The following TBC1D13 variants were observed in gnomAD, a reference collection of about 807,000 sequenced individuals.
TBC1D13 encodes the protein TBC1 domain family member 13, also known as epididymis secretory sperm binding protein.
Under a neutral mutation model 53.6 loss-of-function variants are expected in TBC1D13, and 40 were observed. The observed-to-expected ratio is 0.75, with a 90% CI of 0.58 to 0.97. The LOEUF (loss-of-function observed/expected upper bound fraction) is 0.97. TBC1D13 is among the 50% of genes least tolerant of loss of function. The pLI, the probability that TBC1D13 is intolerant of heterozygous loss-of-function variation, is 0.00. For missense variants in TBC1D13, 377 were observed against 499.4 expected (o/e 0.75, Z 2.34); for synonymous variants, 182 against 197.7 (o/e 0.92, Z 0.67).
intron 2 of TBC1D13, among the ~76,000 whole-genome samples, chr9:128,789,547 G>A (rs1009092545): frequency 6.6e-6 from 1 of 151,802 alleles, no homozygotes; most frequent in Non-Finnish European, 1.5e-5. Flanking sequence ...TTACAGATAA[G>A]TTTCCTTCTT....
chr9:128,807,404 A>G (rs903365575), intron 11 of TBC1D13, among the ~76,000 whole-genome samples: 6 of 152,034 alleles, frequency 3.9e-5, no homozygotes, highest in African/African-American at 1.4e-4. Context: ...GCTTTTCCCT[A>G]ACTTCATGGA....
chr9:128,788,465 C>T, intron 2 of TBC1D13, 58 bp downstream of exon 2: 1 of 1,516,366 alleles, frequency 6.6e-7, no homozygotes, highest in South Asian at 1.1e-5. Flanking sequence ...GGCTAGAATA[C>T]AGGGGGAGGC....
At position 128,809,598 on chromosome 9, in the gene TBC1D13, C is replaced by A. The variant is rs921782118; in HGVS notation, c.*1719C>A. 1 of 152,370 alleles carries A rather than the reference C, an allele frequency of 6.6e-6. No individual in the cohort carries two copies. The highest frequency in any genetic ancestry group is 2.1e-4 in the South Asian group (1 of 4,826). 9.4% of individuals were successfully genotyped at this position (152,370 alleles called of 1,614,324 possible). A position where few individuals can be genotyped will look rare whatever the true frequency, so the allele number is the denominator to read the frequency against. ...GGGAGACTTTGACTATTTATTCAGACTCCTGGCTATGTATTGCACATTGGC... is the reference window on the plus strand; with the variant it reads ...GGGAGACTTTGACTATTTATTCAGAATCCTGGCTATGTATTGCACATTGGC... On this transcript the variant is annotated 3_prime_UTR_variant, in exon 12 of 12. Transcript: ENST00000372648.
In TBC1D13 at chr9:128,787,344, A is replaced by T. The variant is rs1216656625; in HGVS notation, c.-10A>T. On this transcript the variant is annotated 5_prime_UTR_variant, in exon 1 of 12. It adds an upstream start codon to the 5' untranslated region. Transcript: ENST00000372648. ...GGCGGAGGCGGCTGGGGGGTCCGGAAGTCAACACCATGTCAAGTCTGCACA... is the reference window on the plus strand; with the variant it reads ...GGCGGAGGCGGCTGGGGGGTCCGGATGTCAACACCATGTCAAGTCTGCACA... 1.6e-6 allele frequency: 2 copies of T among 1,260,286 alleles called. No individual in the cohort carries two copies. Among genetic ancestry groups the T allele is most frequent in the Non-Finnish European group, 2.0e-6 (2 of 996,250 alleles). The allele number at this position is 1,260,286 out of a possible 1,614,324, so 78.1% of individuals were successfully genotyped here. A position where few individuals can be genotyped will look rare whatever the true frequency, so the allele number is the denominator to read the frequency against.
rs377341637 is a variant in TBC1D13 at position 128,803,924 on chromosome 9, G to A, written c.755-32G>A. The A allele has an allele frequency of 5.7e-5, 92 of 1,609,556 alleles. 1 individual carries two copies. The African/African-American group carries it at 1.1e-3, about 20-fold the overall frequency. On this transcript the variant is annotated intron_variant, in intron 8 of 11. Transcript: ENST00000372648. ...GAGAGGTGGGGTGGGCCTGGAGTGC[G>A]CCACTTCTGCCCCCATCCTGCTCTC...
At chr9:128,798,148 G>A (rs1829668660) in intron 7 of TBC1D13, among the ~76,000 whole-genome samples, 1 of 152,172 alleles carries the variant, frequency 6.6e-6, no homozygotes, top group Admixed American at 6.5e-5. Context: ...AGCTACCCGG[G>A]AGGCTTAGGC....
intron 7 of TBC1D13, 83 bp from the exon 8 acceptor site, chr9:128,803,167 C>T (rs1323307397): frequency 2.3e-6 from 3 of 1,298,786 alleles, no homozygotes; most frequent in East Asian, 4.7e-5. Flanking sequence ...CCCACCTCAG[C>T]CTCCCAAAGT....
intron 10 of TBC1D13, 38 bp from the exon 11 acceptor site, chr9:128,806,216 A>T (rs761843680): frequency 6.2e-7 from 1 of 1,614,014 alleles, no homozygotes; most frequent in Non-Finnish European, 8.5e-7. Flanking sequence ...CACTCAGAGC[A>T]TCCCAGGTCC....
At chr9:128,788,460 G>C (rs1829470566) in intron 2 of TBC1D13, 53 bp downstream of exon 2, 1 of 1,540,598 alleles carries the variant, frequency 6.5e-7, no homozygotes, top group Non-Finnish European at 9.0e-7. Flanking sequence ...CCTGTGGCTA[G>C]AATACAGGGG....
chr9:128,792,775 C>T (rs1215490365), intron 6 of TBC1D13, among the ~76,000 whole-genome samples: 1 of 152,152 alleles, frequency 6.6e-6, no homozygotes, highest in Non-Finnish European at 1.5e-5. Flanking sequence ...CTTGCATGTA[C>T]CTGGCTGTTC....
intron 5 of TBC1D13, among the ~76,000 whole-genome samples, chr9:128,792,110 T>C (rs1829543910): frequency 6.6e-6 from 1 of 152,232 alleles, no homozygotes; most frequent in Non-Finnish European, 1.5e-5. Context: ...CAGATAGGAA[T>C]TGACGACTCA....
rs149434813 is a variant in TBC1D13 at position 128,808,700 on chromosome 9, C to G, written c.*821C>G. On this transcript the variant is annotated 3_prime_UTR_variant, in exon 12 of 12. Coordinates refer to ENST00000372648, the MANE Select transcript of TBC1D13 (RefSeq NM_018201.5). Reference sequence around the variant, plus strand: ...GATGAGGAGACTGGCTCAGCAAGGCCCCTGGAGGTCAAGCTTGGCCTTTGC... The same window carrying G: ...GATGAGGAGACTGGCTCAGCAAGGCGCCTGGAGGTCAAGCTTGGCCTTTGC... 2.2e-4 allele frequency: 33 copies of G among 152,364 alleles called. No individual in the cohort carries two copies. Among genetic ancestry groups the G allele is most frequent in the African/African-American group, 7.9e-4 (33 of 41,524 alleles). The allele number at this position is 152,364 out of a possible 1,614,324, so 9.4% of individuals were successfully genotyped here.
intron 6 of TBC1D13, among the ~76,000 whole-genome samples, chr9:128,794,767 G>C (rs2132537012): frequency 6.6e-6 from 1 of 151,770 alleles, no homozygotes; most frequent in Admixed American, 6.6e-5. Flanking sequence ...GAGACACCAT[G>C]CCTGGCCAGG....
In TBC1D13 at chr9:128,810,149, G is replaced by C. The variant is rs1040596970; in HGVS notation, c.*2270G>C. The C allele has an allele frequency of 3.3e-5, 5 of 152,204 alleles. No homozygotes were observed. Among genetic ancestry groups the C allele is most frequent in the African/African-American group, 1.2e-4 (5 of 41,414 alleles). The allele number at this position is 152,204 out of a possible 1,614,324, so 9.4% of individuals were successfully genotyped here. A position where few individuals can be genotyped will look rare whatever the true frequency, so the allele number is the denominator to read the frequency against. ...CCTTGGTTAGGCTGAGCTCCCAGCA[G>C]GACACCGCCTGCAGAAAGGACCTGC... On this transcript the variant is annotated 3_prime_UTR_variant, in exon 12 of 12. Coordinates refer to ENST00000372648, the MANE Select transcript of TBC1D13 (RefSeq NM_018201.5).
chr9:128,804,185 C>A, intron 9 of TBC1D13, 66 bp downstream of exon 9: 1 of 1,570,306 alleles, frequency 6.4e-7, no homozygotes, highest in Non-Finnish European at 8.7e-7. Flanking sequence ...GCCATCCCAG[C>A]CCAGGGCGAG....
At chr9:128,791,506 GGCC>G in intron 4 of TBC1D13, 65 bp downstream of exon 4, 1 of 1,605,970 alleles carries the variant, frequency 6.2e-7, no homozygotes, top group Non-Finnish European at 8.5e-7. Context: ...GTACCGCTGG[GGCC>G]GCCCTGCCTC....
In TBC1D13 at chr9:128,809,689, A is replaced by G. The variant is rs1005783421; in HGVS notation, c.*1810A>G. ...AGGAGTTGGAGACAAGATCCTCTTCATTTTCCAAGATCAAAGTCAGCCTCT... is the reference window on the plus strand; with the variant it reads ...AGGAGTTGGAGACAAGATCCTCTTCGTTTTCCAAGATCAAAGTCAGCCTCT... On this transcript the variant is annotated 3_prime_UTR_variant, in exon 12 of 12. Coordinates refer to ENST00000372648, the MANE Select transcript of TBC1D13 (RefSeq NM_018201.5). The G allele has an allele frequency of 1.8e-4, 28 of 152,224 alleles. No individual in the cohort carries two copies. The highest frequency in any genetic ancestry group is 6.5e-4 in the African/African-American group (27 of 41,530). The allele number at this position is 152,224 out of a possible 1,614,324, so 9.4% of individuals were successfully genotyped here.
intron 6 of TBC1D13, among the ~76,000 whole-genome samples, chr9:128,794,678 T>A (rs906001200): frequency 6.6e-6 from 1 of 151,360 alleles, no homozygotes; most frequent in Admixed American, 6.6e-5. Context: ...GTTTCACCAG[T>A]TGGCCAGGCT....
chr9:128,808,982 A>T lies in TBC1D13; in HGVS notation c.*1103A>T, dbSNP rs1391853132. The T allele has an allele frequency of 6.6e-6, 1 of 152,064 alleles. No individual in the cohort carries two copies. Among genetic ancestry groups the T allele is most frequent in the Non-Finnish European group, 1.5e-5 (1 of 68,024 alleles). 9.4% of individuals were successfully genotyped at this position (152,064 alleles called of 1,614,324 possible). A position where few individuals can be genotyped will look rare whatever the true frequency, so the allele number is the denominator to read the frequency against. ...CGAAAAGAAAAGGACCTTGATTCTG[A>T]GCCCAGGGTCGGAACCCATTGCTTC... On this transcript the variant is annotated 3_prime_UTR_variant, in exon 12 of 12. Coordinates refer to ENST00000372648, the MANE Select transcript of TBC1D13 (RefSeq NM_018201.5).
Sources: allele counts gnomAD v4.1 joint callset (sites outside exome capture counted in the v4.1 genomes callset), GRCh38; gene constraint gnomAD v4.1.1; transcripts MANE v1.5; gene names NCBI Gene and HGNC (gene_info 2026-07-23, HGNC 2026-07-21).